The following COL28A1 variants were observed in gnomAD, a reference collection of about 807,000 sequenced individuals.
The protein encoded by COL28A1 is collagen alpha-1(XXVIII) chain.
A neutral mutation model predicts 150.2 loss-of-function variants in COL28A1; 161 were observed. The ratio of observed to expected loss-of-function variants is 1.07; its 90% CI spans 0.94 to 1.22. COL28A1 has a LOEUF of 1.22. Among genes scored for constraint, COL28A1 ranks in the 50% most tolerant of loss-of-function variants. COL28A1 has a pLI of 0.00. For missense variants in COL28A1, 1,617 were observed against 1,388.3 expected, an observed-to-expected ratio of 1.16 and a Z score of -2.62; for synonymous variants, 552 against 469.7, an observed-to-expected ratio of 1.18 and a Z score of -2.26.
At chr7:7,431,539 C>T (rs1251635112) in intron 25 of COL28A1, 1 of 470,906 alleles carries the variant, frequency 2.1e-6, no homozygotes. Flanking sequence ...CAGGAATGAG[C>T]TGAAGTAGGG....
intron 6 of COL28A1, among the ~76,000 whole-genome samples, chr7:7,518,582 G>A (rs942154867): frequency 6.6e-6 from 1 of 152,014 alleles, no homozygotes; most frequent in Admixed American, 6.6e-5. Flanking sequence ...TAGTATTTGA[G>A]TACCTCTTAC....
intron 3 of COL28A1, among the ~76,000 whole-genome samples, chr7:7,526,438 C>T (rs28553401): frequency 0.34 from 51,545 of 151,884 alleles, 10,028 homozygotes; most frequent in African/African-American, 0.54. Context: ...TATTAAAATA[C>T]GTAAGATATT....
intron 18 of COL28A1, among the ~76,000 whole-genome samples, chr7:7,446,568 TA>T (rs906912942): frequency 2.6e-5 from 4 of 151,932 alleles, no homozygotes; most frequent in African/African-American, 9.7e-5. Context: ...CAAACATTTC[TA>T]AAAAAAATAG....
At chr7:7,352,163 G>A (rs1294618), downstream of COL28A1, among the ~76,000 whole-genome samples, 96,754 of 151,910 alleles carry the variant, frequency 0.64, 33,623 homozygotes, top group East Asian at 0.87. Flanking sequence ...TTCTATTCCC[G>A]TCTTGCAAGT....
chr7:7,353,289 C>T (rs962065961), downstream of COL28A1, among the ~76,000 whole-genome samples: 3 of 152,174 alleles, frequency 2.0e-5, no homozygotes, highest in Non-Finnish European at 2.9e-5. Context: ...ATCTTTCCTC[C>T]ACCTACCCAG....
At chr7:7,506,238 CA>C (rs1332796513) in intron 10 of COL28A1, among the ~76,000 whole-genome samples, 171 bp from the exon 11 acceptor site, 4 of 152,184 alleles carry the variant, frequency 2.6e-5, no homozygotes, top group African/African-American at 9.7e-5. Context: ...TTTCTTGTGT[CA>C]AATACGTAGC....
chr7:7,429,939 T>G (rs1313262562), intron 25 of COL28A1, among the ~76,000 whole-genome samples: 1 of 152,144 alleles, frequency 6.6e-6, no homozygotes, highest in African/African-American at 2.4e-5. Flanking sequence ...TATTAGCCAT[T>G]TCAAAAAAAA....
Position 7,370,881 on chromosome 7 carries a change from G to A in COL28A1, c.2910C>T (p.Asp970=). Reference sequence around the variant, plus strand: ...TTTGAAACAATTTTTGCTTCAGGGTGTCTTTTAAAAAAGAAGTAGAAAAGA... The same window carrying A: ...TTTGAAACAATTTTTGCTTCAGGGTATCTTTTAAAAAAGAAGTAGAAAAGA... ...YQFDDFFTLQ[D]TLKQKLFQKI... is the part of the protein sequence containing the mutation. The change falls in exon 33 of 35, where the codon GAC becomes GAT. Residue 970 remains aspartate (D), a splice_region_variant and synonymous_variant. Transcript: ENST00000399429. The A allele has an allele frequency of 1.2e-6, 2 of 1,600,214 alleles. No homozygotes were observed. The highest frequency in any genetic ancestry group is 1.3e-5 in the African/African-American group (1 of 74,504).
intron 33 of COL28A1, among the ~76,000 whole-genome samples, chr7:7,363,417 A>T (rs28563939): frequency 0.018 from 2,709 of 152,338 alleles, 97 homozygotes; most frequent in African/African-American, 0.06. Flanking sequence ...AATTAACTTT[A>T]ATAAATGAAA....
chr7:7,412,733 A>G (rs1431516032), intron 27 of COL28A1, among the ~76,000 whole-genome samples: 1 of 152,104 alleles, frequency 6.6e-6, no homozygotes, highest in Non-Finnish European at 1.5e-5. Context: ...CCATGATTCA[A>G]ATCTGTTGAC....
chr7:7,507,832 G>A (rs1780896591), intron 9 of COL28A1, among the ~76,000 whole-genome samples: 1 of 152,050 alleles, frequency 6.6e-6, no homozygotes, highest in South Asian at 2.1e-4. Flanking sequence ...TAACATTTTA[G>A]GCATATTTTC....
chr7:7,343,044 T>C, the COL28A1 span, among the ~76,000 whole-genome samples: 1 of 152,036 alleles, frequency 6.6e-6, no homozygotes, highest in Non-Finnish European at 1.5e-5. Context: ...TCCTTCACTG[T>C]CCTTTAGTTT....
intron 11 of COL28A1, 71 bp from the exon 12 acceptor site, chr7:7,490,717 A>T (rs1779870707): frequency 1.3e-6 from 1 of 750,030 alleles, no homozygotes. Context: ...CAGCTTTTAG[A>T]TGTATGGTTT....
intron 18 of COL28A1, among the ~76,000 whole-genome samples, chr7:7,451,136 T>G (rs2128328671): frequency 6.6e-6 from 1 of 152,074 alleles, no homozygotes; most frequent in East Asian, 1.9e-4. Flanking sequence ...CTAGAGTCAG[T>G]GTGGTAAAAC....
intron 18 of COL28A1, 71 bp from the exon 19 acceptor site, chr7:7,444,560 T>C: frequency 1.4e-6 from 2 of 1,430,842 alleles, no homozygotes; most frequent in Non-Finnish European, 1.9e-6. Flanking sequence ...CAATTGGATG[T>C]ATCTTACAGT....
At chr7:7,542,207 G>C in the COL28A1 span, among the ~76,000 whole-genome samples, 1 of 152,138 alleles carries the variant, frequency 6.6e-6, no homozygotes, top group Non-Finnish European at 1.5e-5. Context: ...AATTAGCTGG[G>C]CGTGGTGGTG....
chr7:7,453,944 A>C (rs1190275302), intron 16 of COL28A1, among the ~76,000 whole-genome samples: 1 of 152,214 alleles, frequency 6.6e-6, no homozygotes, highest in Non-Finnish European at 1.5e-5. Context: ...AGTATGGCAG[A>C]CTATCAAGAC....
At chr7:7,492,683 C>G (rs1224436783) in intron 11 of COL28A1, among the ~76,000 whole-genome samples, 2 of 151,128 alleles carry the variant, frequency 1.3e-5, no homozygotes, top group Non-Finnish European at 2.9e-5. Context: ...AACCAGCTCC[C>G]CAGAAGATAT....
chr7:7,424,551 T>A (rs1228274794), intron 25 of COL28A1, among the ~76,000 whole-genome samples: 1 of 152,172 alleles, frequency 6.6e-6, no homozygotes, highest in Non-Finnish European at 1.5e-5. Context: ...TGGACATAGC[T>A]TCCCACGCAA....
Sources: allele counts gnomAD v4.1 joint callset (sites outside exome capture counted in the v4.1 genomes callset), GRCh38; gene constraint gnomAD v4.1.1; transcripts MANE v1.5; gene names NCBI Gene and HGNC (gene_info 2026-07-23, HGNC 2026-07-21).